Variants in ART3 observed in about 807,000 individuals in gnomAD.
The protein encoded by ART3 is ADP-ribosyltransferase 3 (inactive).
Under a neutral mutation model 48.5 loss-of-function variants are expected in ART3, and 49 were observed. That is an observed-to-expected ratio of 1.01 (90% CI 0.80 to 1.28). ART3 has a LOEUF of 1.28. ART3 is among the 50% of genes most tolerant of loss of function. The pLI, the probability that ART3 is intolerant of heterozygous loss-of-function variation, is 0.00. For missense variants in ART3, 438 were observed against 454.3 expected (o/e 0.96, Z 0.33); for synonymous variants, 145 against 157.2 (o/e 0.92, Z 0.58).
At chr4:76,013,436 C>T (rs189784597) in intron 1 of ART3, among the ~76,000 whole-genome samples, 145 of 151,392 alleles carry the variant, frequency 9.6e-4, no homozygotes, top group African/African-American at 2.3e-3. Flanking sequence ...TTTATATATA[C>T]ACACACACAC....
chr4:76,045,862 C>T (rs1232141618), intron 1 of ART3, among the ~76,000 whole-genome samples: 1 of 152,010 alleles, frequency 6.6e-6, no homozygotes, highest in Non-Finnish European at 1.5e-5. Flanking sequence ...GTTTTAATGT[C>T]TTAGGGTGAG....
At chr4:76,035,356 T>C (rs1053260286) in intron 1 of ART3, 2 of 1,612,544 alleles carry the variant, frequency 1.2e-6, no homozygotes, top group Non-Finnish European at 1.7e-6. Context: ...GAATAGATCA[T>C]AGCATTAGTT....
At chr4:76,065,912 C>T (rs1314343741) in intron 1 of ART3, among the ~76,000 whole-genome samples, 1 of 151,920 alleles carries the variant, frequency 6.6e-6, no homozygotes, top group Non-Finnish European at 1.5e-5. Context: ...TAAGATTATC[C>T]TTAGTAGTCT....
At chr4:76,089,308 T>C (rs1014017902) in intron 3 of ART3, among the ~76,000 whole-genome samples, 1 of 152,172 alleles carries the variant, frequency 6.6e-6, no homozygotes, top group African/African-American at 2.4e-5. Context: ...TCAAATCTCA[T>C]GTTCAGTTGT....
At chr4:76,016,306 T>C (rs1560573754) in intron 1 of ART3, among the ~76,000 whole-genome samples, 3 of 152,342 alleles carry the variant, frequency 2.0e-5, no homozygotes, top group South Asian at 4.1e-4. Flanking sequence ...CCAGTAATAC[T>C]GTAGTTTTTG....
chr4:76,079,029 C>A (rs1335712282), intron 2 of ART3, among the ~76,000 whole-genome samples: 1 of 151,846 alleles, frequency 6.6e-6, no homozygotes, highest in African/African-American at 2.4e-5. Flanking sequence ...TGCAGTGAGC[C>A]GAAATAGTGC....
rs575720299 is a variant in ART3, at chr4:76,030,972, C to T, written c.-10+19652C>T. Among the ~76,000 whole-genome samples, 3 of 152,084 alleles carry T rather than the reference C, an allele frequency of 2.0e-5. No individual in the cohort carries two copies. The South Asian group carries it at 6.2e-4, about 32-fold the overall frequency. ...TTTTGTTTAAAGAGCTGTTTCAGTT[C>T]TTTTGGGTATATACCTAGGAATGGA... On this transcript the variant is annotated intron_variant, in intron 1 of 9. Coordinates refer to the ART3 transcript ENST00000341029.
chr4:76,066,528 A>G (rs1335360053), intron 1 of ART3, among the ~76,000 whole-genome samples: 5 of 152,122 alleles, frequency 3.3e-5, no homozygotes, highest in African/African-American at 9.6e-5. Context: ...CAGATCTCTG[A>G]AGCTATTAGC....
intron 1 of ART3, among the ~76,000 whole-genome samples, chr4:76,069,518 T>A (rs959680075): frequency 6.6e-6 from 1 of 151,110 alleles, no homozygotes; most frequent in African/African-American, 2.4e-5. Flanking sequence ...GACTCCCTAA[T>A]GGCTGGGATT....
intron 1 of ART3, among the ~76,000 whole-genome samples, chr4:76,027,119 G>T (rs184540816): frequency 6.6e-6 from 1 of 152,092 alleles, no homozygotes; most frequent in African/African-American, 2.4e-5. Context: ...TGGGCGTGGT[G>T]GTGGGCGACT....
chr4:76,111,675 G>A (rs62318923), intron 11 of ART3, among the ~76,000 whole-genome samples: 9 of 151,852 alleles, frequency 5.9e-5, no homozygotes, highest in South Asian at 2.1e-4. Flanking sequence ...CCTGAGTAGC[G>A]GGGACTACAG....
chr4:76,109,552 TTTA>T (rs1729088970), intron 11 of ART3, among the ~76,000 whole-genome samples: 1 of 147,878 alleles, frequency 6.8e-6, no homozygotes, highest in African/African-American at 2.5e-5. Context: ...AACATAGTTG[TTTA>T]TTATCAAATG....
intron 1 of ART3, among the ~76,000 whole-genome samples, chr4:76,059,439 A>G (rs775814807): frequency 8.2e-5 from 12 of 145,874 alleles, no homozygotes; most frequent in Non-Finnish European, 1.6e-4. Context: ...TTAATTGACT[A>G]TAATATGGAA....
At chr4:76,060,350 G>GC (rs5859489) in intron 1 of ART3, among the ~76,000 whole-genome samples, 89,046 of 151,890 alleles carry the variant, frequency 0.59, 26,952 homozygotes, top group East Asian at 0.94. Context: ...ATTTATTTTG[G>GC]CTGTGACAAT....
intron 11 of ART3, among the ~76,000 whole-genome samples, chr4:76,110,888 A>C (rs1729350623): frequency 6.6e-6 from 1 of 152,188 alleles, no homozygotes; most frequent in African/African-American, 2.4e-5. Context: ...ATATATGTAG[A>C]TGCTAGTCTA....
At chr4:76,101,302 T>C (rs1727256159) in intron 8 of ART3, among the ~76,000 whole-genome samples, 1 of 152,228 alleles carries the variant, frequency 6.6e-6, no homozygotes, top group Non-Finnish European at 1.5e-5. Context: ...CTCTAGGATA[T>C]TGGGCAGGGC....
intron 1 of ART3, among the ~76,000 whole-genome samples, chr4:76,046,660 TAG>T (rs1735526556): frequency 6.6e-6 from 1 of 151,938 alleles, no homozygotes; most frequent in South Asian, 2.1e-4. Flanking sequence ...CCTCCTCAAG[TAG>T]GGGACAGCAA....
At chr4:76,097,006 T>C (rs1438963565) in intron 3 of ART3, among the ~76,000 whole-genome samples, 47 of 152,106 alleles carry the variant, frequency 3.1e-4, no homozygotes, top group Admixed American at 7.2e-4. Context: ...AGGTAAATTT[T>C]CTCCTAAATT....
chr4:76,078,896 T>C (rs1206063330), intron 2 of ART3, among the ~76,000 whole-genome samples: 2 of 152,012 alleles, frequency 1.3e-5, no homozygotes, highest in East Asian at 3.9e-4. Flanking sequence ...CTGGCTAACA[T>C]GGTGAAACCC....
Sources: gnomAD v4.1 joint callset for allele counts (sites outside exome capture counted in the v4.1 genomes callset) on GRCh38, gnomAD v4.1.1 for gene constraint, MANE v1.5 for transcripts, NCBI Gene and HGNC (gene_info 2026-07-23, HGNC 2026-07-21) for gene names.